CUX1: variants seen among roughly 807,000 people sequenced by gnomAD.
The protein encoded by CUX1 is cut like homeobox 1.
In CUX1, 31 loss-of-function variants were observed where a neutral mutation model predicts 158.8. The ratio of observed to expected loss-of-function variants is 0.20; its 90% CI spans 0.15 to 0.26. The LOEUF is 0.26. CUX1 is among the 10% of genes least tolerant of loss of function. The probability of loss-of-function intolerance (pLI) is 1.00; values close to 1 mark genes in which losing one functional copy is unlikely to be tolerated. For missense variants in CUX1, 1,589 were observed against 2,014.6 expected (o/e 0.79, Z 4.04); for synonymous variants, 879 against 862.1 (o/e 1.02, Z -0.34).
intron 1 of CUX1, among the ~76,000 whole-genome samples, chr7:101,867,403 G>T (rs555037651): frequency 6.6e-6 from 1 of 152,204 alleles, no homozygotes; most frequent in East Asian, 1.9e-4. Flanking sequence ...ATCCCACCAG[G>T]GGCCCACCTG....
At chr7:102,011,064 G>T (rs920847789) in intron 2 of CUX1, among the ~76,000 whole-genome samples, 2 of 151,924 alleles carry the variant, frequency 1.3e-5, no homozygotes, top group African/African-American at 4.8e-5. Flanking sequence ...AGTGAGCCAA[G>T]ATCATGCCAT....
chr7:101,841,921 G>A (rs1795229876), intron 1 of CUX1, among the ~76,000 whole-genome samples: 2 of 152,292 alleles, frequency 1.3e-5, no homozygotes, highest in Middle Eastern at 3.4e-3. Flanking sequence ...ATTCAAAACT[G>A]TAACATTTCT....
At chr7:102,210,207 C>G (rs113518624) in intron 20 of CUX1, among the ~76,000 whole-genome samples, 12,723 of 152,190 alleles carry the variant, frequency 0.084, 851 homozygotes, top group African/African-American at 0.18. Flanking sequence ...AGTAATTCTC[C>G]TTCCTCAGCC....
intron 13 of CUX1, 183 bp downstream of exon 13, chr7:102,194,073 T>C: frequency 1.5e-6 from 1 of 681,850 alleles, no homozygotes; most frequent in Non-Finnish European, 2.6e-6. Context: ...GTCTCCTTTT[T>C]TTCCATGTGT....
chr7:102,132,680 C>CTTTTTT lies in CUX1; in HGVS notation c.674+17421_674+17426dup, dbSNP rs1174779466. Among the ~76,000 whole-genome samples, 73 of 115,164 alleles carry CTTTTTT rather than the reference C, an allele frequency of 6.3e-4. 1 individual carries two copies. Among genetic ancestry groups the CTTTTTT allele is most frequent in the African/African-American group, 1.3e-3 (36 of 28,616 alleles). 75.6% of individuals were successfully genotyped at this position (115,164 alleles called of 152,430 possible). A position where few individuals can be genotyped will look rare whatever the true frequency, so the allele number is the denominator to read the frequency against. On this transcript the variant is annotated intron_variant, in intron 8 of 23. Transcript: ENST00000292535. ...TTTTAATTTGTTTTTCTTTGCTTTT[C>CTTTTTT]TTTTTTTTTTTTTTTTTTTGAGACA...
chr7:101,942,688 C>G (rs1807855684), intron 2 of CUX1, among the ~76,000 whole-genome samples: 3 of 152,178 alleles, frequency 2.0e-5, no homozygotes, highest in Non-Finnish European at 4.4e-5. Flanking sequence ...GGTCTCAAAC[C>G]ACTCCTGGGC....
Position 102,271,604 on chromosome 7 carries a change from G to T in CUX1, c.1256-1762G>T, listed in dbSNP as rs546310734. On this transcript the variant is annotated intron_variant, in intron 14 of 22. Transcript: ENST00000292538. ...GTGGCCCAGGGCCAGCCCCAACCCTGCCCCCGACAGTCCTCCCTCCAAGGC... is the reference window on the plus strand; with the variant it reads ...GTGGCCCAGGGCCAGCCCCAACCCTTCCCCCGACAGTCCTCCCTCCAAGGC... Among the ~76,000 whole-genome samples the T allele has an allele frequency of 3.9e-4, 60 of 152,276 alleles. 1 individual carries two copies. The highest frequency in any genetic ancestry group is 1.3e-3 in the African/African-American group (55 of 41,562).
At chr7:101,944,440 G>A (rs1042598006) in intron 2 of CUX1, among the ~76,000 whole-genome samples, 1 of 152,218 alleles carries the variant, frequency 6.6e-6, no homozygotes, top group African/African-American at 2.4e-5. Context: ...GAAGCACTGG[G>A]TGTTACCATC....
intron 3 of CUX1, among the ~76,000 whole-genome samples, chr7:102,055,020 G>A (rs1229389713): frequency 6.6e-6 from 1 of 151,418 alleles, no homozygotes; most frequent in South Asian, 2.1e-4. Flanking sequence ...CCTTGAATGT[G>A]TAAATCAACT....
rs144421866 is a variant in CUX1 at position 102,210,840 on chromosome 7, C to G, written c.3130+5670C>G. On this transcript the variant is annotated intron_variant, in intron 20 of 23. Transcript: ENST00000292535. ...TGAAGCCCACGGGGCCGTGGGCTGT[C>G]CATGACCTTGTACAACCAGGAGATT... is the stretch of plus-strand genomic sequence containing the variant. Among the ~76,000 whole-genome samples the G allele has an allele frequency of 9.2e-5, 14 of 152,266 alleles. No homozygotes were observed. In the East Asian group the frequency reaches 2.7e-3, roughly 29 times the overall value.
At position 102,257,897 on chromosome 7, in the gene CUX1, TC is replaced by T; in HGVS notation, c.*8856del. On this transcript the variant is annotated 3_prime_UTR_variant, in exon 24 of 24. Coordinates refer to ENST00000292535, the MANE Select transcript of CUX1 (RefSeq NM_181552.4). ...AGAAAAAAGGAAAAAAAAAAAGTCG[TC>T]TTTTTTTTTTTTTTTTGTACAAATC... The T allele has an allele frequency of 1.0e-6, 1 of 975,486 alleles. No individual in the cohort carries two copies. The highest frequency in any genetic ancestry group is 1.2e-6 in the Non-Finnish European group (1 of 825,734). 60.4% of individuals were successfully genotyped at this position (975,486 alleles called of 1,614,324 possible).
At chr7:102,180,080 A>G (rs1290487320) in intron 11 of CUX1, among the ~76,000 whole-genome samples, 7 of 152,058 alleles carry the variant, frequency 4.6e-5, no homozygotes, top group African/African-American at 4.8e-5. Context: ...CTGGAATGCA[A>G]TGGCGCAGTC....
intron 1 of CUX1, among the ~76,000 whole-genome samples, chr7:101,831,295 CT>C (rs985969932): frequency 4.8e-4 from 70 of 145,354 alleles, no homozygotes; most frequent in Admixed American, 1.4e-3. Context: ...AACTGACATT[CT>C]TTTTTTTTTT....
chr7:102,043,360 TGTGTGTGTGTTGA>T (rs1284641967), intron 3 of CUX1, among the ~76,000 whole-genome samples: 24 of 149,514 alleles, frequency 1.6e-4, no homozygotes, highest in African/African-American at 5.2e-4. Flanking sequence ...TGTGTGTGTG[TGTGTGTGTGTTGA>T]GAACACTTGA....
chr7:101,854,031 T>TGCTTTCCAGC (rs1358960033), intron 1 of CUX1, among the ~76,000 whole-genome samples: 13 of 152,196 alleles, frequency 8.5e-5, no homozygotes, highest in South Asian at 2.1e-4. Flanking sequence ...GGCTTTCCAG[T>TGCTTTCCAGC]GCTTTCCAGC....
chr7:102,104,993 C>G (rs16869536), intron 6 of CUX1, among the ~76,000 whole-genome samples: 23,542 of 152,110 alleles, frequency 0.15, 2,402 homozygotes, highest in African/African-American at 0.28. Context: ...CCAAGACTAT[C>G]CAAGCCGTGC....
chr7:102,244,663 C>T lies in CUX1; in HGVS notation c.3888-3749C>T, dbSNP rs182906659. ...TGTGATCATGCCATTGCACTCCAGC[C>T]TGGGGAACAGAGCAAGACCCTGTCC... is the stretch of plus-strand genomic sequence containing the variant. On this transcript the variant is annotated intron_variant, in intron 23 of 23. Transcript: ENST00000292535. 2.0e-5 allele frequency among the ~76,000 whole-genome samples: 3 copies of T among 152,202 alleles called. No individual in the cohort carries two copies. In the East Asian group the frequency reaches 5.8e-4, roughly 29 times the overall value.
chr7:101,923,769 C>T (rs866639822), intron 2 of CUX1, among the ~76,000 whole-genome samples: 3 of 152,238 alleles, frequency 2.0e-5, no homozygotes, highest in Admixed American at 6.5e-5. Flanking sequence ...TTGTTGGCTG[C>T]GGCGGCAGCC....
chr7:102,104,474 C>G lies in CUX1; in HGVS notation c.530+15C>G. 1 of 1,611,370 alleles carries G rather than the reference C, an allele frequency of 6.2e-7. No homozygotes were observed. Reference sequence around the variant, plus strand: ...GAAAAGGAGAGGTGAGCATGACTTCCAGGCACACACAGACTGACATAGCAT... The same window carrying G: ...GAAAAGGAGAGGTGAGCATGACTTCGAGGCACACACAGACTGACATAGCAT... On this transcript the variant is annotated intron_variant, in intron 6 of 23. Transcript: ENST00000292535.
Sources: gnomAD v4.1 joint callset for allele counts (sites outside exome capture counted in the v4.1 genomes callset) on GRCh38, gnomAD v4.1.1 for gene constraint, MANE v1.5 for transcripts, NCBI Gene and HGNC (gene_info 2026-07-23, HGNC 2026-07-21) for gene names.